The following LRRIQ3 variants were observed in gnomAD, a reference collection of about 807,000 sequenced individuals.
LRRIQ3 encodes the protein leucine rich repeats and IQ motif containing 3.
In LRRIQ3, 75 loss-of-function variants were observed where a neutral mutation model predicts 59.3. The observed-to-expected ratio is 1.26, with a 90% CI of 1.05 to 1.53. The LOEUF is 1.53. Ranked by LOEUF, LRRIQ3 falls within the 40% of genes most tolerant of loss-of-function variation. The pLI, the probability that LRRIQ3 is intolerant of heterozygous loss-of-function variation, is 0.00. For missense variants in LRRIQ3, 831 were observed against 710.0 expected (o/e 1.17, Z -1.94); for synonymous variants, 250 against 231.3 (o/e 1.08, Z -0.73).
chr1:74,161,784 G>C (rs1446274831), intron 3 of LRRIQ3, among the ~76,000 whole-genome samples: 1 of 151,834 alleles, frequency 6.6e-6, no homozygotes, highest in African/African-American at 2.4e-5. Context: ...GTCCCTTCCA[G>C]AGAACAAGTA....
chr1:74,095,760 G>T (rs1646441752), intron 5 of LRRIQ3, among the ~76,000 whole-genome samples: 1 of 152,000 alleles, frequency 6.6e-6, no homozygotes, highest in African/African-American at 2.4e-5. Context: ...GGTCATTACT[G>T]CTAACTTATA....
chr1:74,079,898 CTCT>C (rs1211384559), intron 5 of LRRIQ3, among the ~76,000 whole-genome samples: 1 of 151,716 alleles, frequency 6.6e-6, no homozygotes, highest in Non-Finnish European at 1.5e-5. Flanking sequence ...ATTCAACATT[CTCT>C]TCTTTTCTTC....
intron 6 of LRRIQ3, among the ~76,000 whole-genome samples, chr1:74,070,281 G>A (rs983756354): frequency 6.6e-6 from 1 of 152,026 alleles, no homozygotes; most frequent in African/African-American, 2.4e-5. Context: ...ACACAAGATG[G>A]AATACTATGC....
chr1:74,093,014 C>T (rs1260751200), intron 5 of LRRIQ3, among the ~76,000 whole-genome samples: 1 of 151,914 alleles, frequency 6.6e-6, no homozygotes, highest in Non-Finnish European at 1.5e-5. Context: ...AGATCAGAAG[C>T]TTCAGGATTA....
intron 6 of LRRIQ3, among the ~76,000 whole-genome samples, chr1:74,071,937 A>G (rs1655040083): frequency 6.6e-6 from 1 of 152,216 alleles, no homozygotes; most frequent in African/African-American, 2.4e-5. Context: ...ATGGAATAAT[A>G]TGGTCCCATA....
chr1:74,127,046 T>C (rs889668890), intron 4 of LRRIQ3, among the ~76,000 whole-genome samples: 4 of 151,942 alleles, frequency 2.6e-5, no homozygotes, highest in Non-Finnish European at 4.4e-5. Flanking sequence ...GTTGGGTGCA[T>C]ATATATTTAA....
At chr1:74,139,141 C>T (rs1405386593) in intron 4 of LRRIQ3, among the ~76,000 whole-genome samples, 1 of 133,632 alleles carries the variant, frequency 7.5e-6, no homozygotes, top group African/African-American at 2.7e-5. Flanking sequence ...TATATATATA[C>T]ATGTGTGTGT....
chr1:74,149,242 G>A (rs1647770881), intron 4 of LRRIQ3, among the ~76,000 whole-genome samples: 2 of 152,096 alleles, frequency 1.3e-5, no homozygotes, highest in African/African-American at 2.4e-5. Flanking sequence ...GGAAATTTAC[G>A]TAAGATGGCA....
rs576551310 is a variant in LRRIQ3 at position 74,072,817 on chromosome 1, T to C, written c.997+1844A>G. Among the ~76,000 whole-genome samples, 7 of 152,298 alleles carry C rather than the reference T, an allele frequency of 4.6e-5. No individual in the cohort carries two copies. The East Asian group carries it at 1.2e-3, about 25-fold the overall frequency. Reference sequence around the variant, plus strand: ...CAGGAGTAATATCTAGAATTTATTATATCCAAAATTAACTTTGTGTATGAA... The same window carrying C: ...CAGGAGTAATATCTAGAATTTATTACATCCAAAATTAACTTTGTGTATGAA... On this transcript the variant is annotated intron_variant, in intron 6 of 7. Coordinates refer to ENST00000354431, the MANE Select transcript of LRRIQ3 (RefSeq NM_001105659.2).
chr1:74,054,809 T>C (rs1419449447), intron 6 of LRRIQ3, among the ~76,000 whole-genome samples: 1 of 147,672 alleles, frequency 6.8e-6, no homozygotes, highest in Non-Finnish European at 1.5e-5. Flanking sequence ...TACATACATA[T>C]ACACACATAC....
At chr1:74,080,136 A>G (rs1646257367) in intron 5 of LRRIQ3, among the ~76,000 whole-genome samples, 1 of 151,690 alleles carries the variant, frequency 6.6e-6, no homozygotes, top group African/African-American at 2.4e-5. Context: ...AGATACATCT[A>G]TCTACCTGTT....
chr1:74,117,134 T>C (rs1570143196), intron 4 of LRRIQ3, among the ~76,000 whole-genome samples: 1 of 152,120 alleles, frequency 6.6e-6, no homozygotes, highest in African/African-American at 2.4e-5. Flanking sequence ...ATATTTTAAA[T>C]AGAAGTTATC....
chr1:74,176,699 C>T (rs187122844), intron 3 of LRRIQ3, among the ~76,000 whole-genome samples: 85 of 152,024 alleles, frequency 5.6e-4, no homozygotes, highest in Middle Eastern at 6.8e-3. Context: ...TCTTAATTGG[C>T]ACAGCTTTAG....
At chr1:74,061,763 G>A (rs1382647545) in intron 6 of LRRIQ3, among the ~76,000 whole-genome samples, 1 of 152,150 alleles carries the variant, frequency 6.6e-6, no homozygotes, top group African/African-American at 2.4e-5. Context: ...GGTTGGGCAT[G>A]GTGGCTTACA....
chr1:74,184,506 C>T (rs1037437847), intron 1 of LRRIQ3, among the ~76,000 whole-genome samples: 1 of 152,074 alleles, frequency 6.6e-6, no homozygotes. Flanking sequence ...CTACGATGTG[C>T]AGATAAACTA....
intron 1 of LRRIQ3, among the ~76,000 whole-genome samples, chr1:74,192,846 A>G (rs115926286): frequency 0.023 from 3,507 of 152,280 alleles, 56 homozygotes; most frequent in Non-Finnish European, 0.036. Flanking sequence ...CGAACTTTCC[A>G]ATCATTATGG....
rs560224510 is a variant in LRRIQ3 at position 74,043,450 on chromosome 1, G to A, written c.998-1517C>T. 9.2e-5 allele frequency among the ~76,000 whole-genome samples: 14 copies of A among 152,202 alleles called. No homozygotes were observed. In the South Asian group the frequency reaches 2.9e-3, roughly 32 times the overall value. On this transcript the variant is annotated intron_variant, in intron 6 of 7. Transcript: ENST00000354431. ...CACGAAAGGCTACAGGAGTATCAACGTTGGAAAAGTAAGTAAATTCTACAG... is the reference window on the plus strand; with the variant it reads ...CACGAAAGGCTACAGGAGTATCAACATTGGAAAAGTAAGTAAATTCTACAG...
intron 6 of LRRIQ3, among the ~76,000 whole-genome samples, chr1:74,058,827 C>A (rs867250865): frequency 6.6e-6 from 1 of 151,850 alleles, no homozygotes; most frequent in Non-Finnish European, 1.5e-5. Context: ...CATACTGTAC[C>A]CCATAAATAT....
chr1:74,076,172 T>C (rs1040555114), intron 5 of LRRIQ3, among the ~76,000 whole-genome samples: 2 of 152,062 alleles, frequency 1.3e-5, no homozygotes, highest in Admixed American at 1.3e-4. Flanking sequence ...TGTTTACATA[T>C]TAAAAAACTT....
Sources: allele counts gnomAD v4.1 joint callset (sites outside exome capture counted in the v4.1 genomes callset), GRCh38; gene constraint gnomAD v4.1.1; transcripts MANE v1.5; gene names NCBI Gene and HGNC (gene_info 2026-07-23, HGNC 2026-07-21).